The following FRMD8 variants were observed in gnomAD, a reference collection of about 807,000 sequenced individuals.
FRMD8 encodes FERM domain containing 8.
FRMD8 carries 37 observed loss-of-function variants against 54.2 expected under a neutral mutation model. That is an observed-to-expected ratio of 0.68 (90% CI 0.53 to 0.90). FRMD8 has a LOEUF of 0.90. Among genes scored for constraint, FRMD8 ranks in the 40% least tolerant of loss-of-function variants. The pLI is 0.00. For synonymous variants in FRMD8, 246 were observed against 286.9 expected (o/e 0.86, Z 1.44); for missense variants, 585 against 653.7 (o/e 0.89, Z 1.15).
the FRMD8 span, among the ~76,000 whole-genome samples, chr11:65,374,227 C>T: frequency 3.4e-4 from 48 of 142,968 alleles, no homozygotes; most frequent in Admixed American, 2.6e-3. Flanking sequence ...CTGATGAGCA[C>T]GTGACGTAGT....
At position 65,394,323 on chromosome 11, in the gene FRMD8, G is replaced by A. The variant is rs1384757947; in HGVS notation, c.479G>A (p.Arg160Gln). The change falls in exon 6 of 11, where the codon CGG becomes CAG. Residue 160 changes from arginine to glutamine, a missense_variant. Arg to Gln is a conservative substitution (Grantham distance 43). Coordinates refer to ENST00000317568, the MANE Select transcript of FRMD8 (RefSeq NM_031904.5). ...GCCAAGGGCAACGTGCTGGCTGCAC[G>A]GTACCCGTGCGACGTGGAGGACTGC... ...EEAKGNVLAARYPCDVEDCEA... is the reference protein window; with the variant it reads ...EEAKGNVLAAQYPCDVEDCEA... 2 of 1,587,158 alleles carry A rather than the reference G, an allele frequency of 1.3e-6. No individual in the cohort carries two copies. The highest frequency in any genetic ancestry group is 1.8e-5 in the Admixed American group (1 of 55,936).
chr11:65,396,239 C>G (rs943246159), intron 6 of FRMD8, among the ~76,000 whole-genome samples: 1 of 152,218 alleles, frequency 6.6e-6, no homozygotes, highest in Admixed American at 6.5e-5. Context: ...CATGGGGCTG[C>G]AGTGCAGAGG....
chr11:65,372,318 G>A, the FRMD8 span, among the ~76,000 whole-genome samples: 1 of 152,128 alleles, frequency 6.6e-6, no homozygotes, highest in Non-Finnish European at 1.5e-5. Context: ...GTGCAGGAGT[G>A]AGTTATTTGC....
chr11:65,385,986 C>T (rs1029766200), upstream of FRMD8, among the ~76,000 whole-genome samples: 2 of 151,716 alleles, frequency 1.3e-5, no homozygotes, highest in African/African-American at 4.8e-5. Flanking sequence ...TTAGTAGAGA[C>T]GGGGTTTCAT....
chr11:65,390,226 G>C (rs910146956), intron 3 of FRMD8, among the ~76,000 whole-genome samples: 3 of 152,108 alleles, frequency 2.0e-5, no homozygotes, highest in African/African-American at 7.2e-5. Flanking sequence ...GGACTTAAGG[G>C]CGGTGGCTCT....
chr11:65,374,209 G>C, the FRMD8 span, among the ~76,000 whole-genome samples: 1 of 146,186 alleles, frequency 6.8e-6, no homozygotes, highest in Non-Finnish European at 1.5e-5. Flanking sequence ...ATCTGGTGAA[G>C]GAGAGCTCTG....
At chr11:65,397,922 C>T (rs1466317049) in intron 7 of FRMD8, among the ~76,000 whole-genome samples, 1 of 144,246 alleles carries the variant, frequency 6.9e-6, no homozygotes, top group Non-Finnish European at 1.5e-5. Flanking sequence ...TGTTGCCAGG[C>T]TGGAGTGCAA....
At chr11:65,377,548 A>G in the FRMD8 span, 2 of 376,984 alleles carry the variant, frequency 5.3e-6, no homozygotes, top group Non-Finnish European at 7.3e-6. Flanking sequence ...CACCTCTCAG[A>G]GGCCCGGAGG....
chr11:65,408,442 T>C (rs1181105117), intron 10 of FRMD8, among the ~76,000 whole-genome samples: 2 of 151,770 alleles, frequency 1.3e-5, no homozygotes, highest in East Asian at 3.9e-4. Context: ...CTGTGTGGCA[T>C]TCCTTGGCAT....
chr11:65,387,551 C>T (rs1413239517), intron 2 of FRMD8, among the ~76,000 whole-genome samples: 2 of 151,968 alleles, frequency 1.3e-5, no homozygotes, highest in Non-Finnish European at 2.9e-5. Context: ...TCCTTTCTTT[C>T]TTTCTTTGAC....
chr11:65,376,360 C>T, the FRMD8 span: 2 of 1,596,460 alleles, frequency 1.3e-6, no homozygotes, highest in South Asian at 2.2e-5. Context: ...TCAAACTGGC[C>T]TCCAGGCCGT....
the FRMD8 span, among the ~76,000 whole-genome samples, chr11:65,372,635 G>A: frequency 6.6e-6 from 1 of 152,128 alleles, no homozygotes; most frequent in Non-Finnish European, 1.5e-5. Context: ...GAGTTTAGGA[G>A]CAGAGGTTTA....
At chr11:65,373,737 GC>G in the FRMD8 span, among the ~76,000 whole-genome samples, 1 of 152,032 alleles carries the variant, frequency 6.6e-6, no homozygotes, top group Non-Finnish European at 1.5e-5. Context: ...CAGGCACAGT[GC>G]CACCACACCT....
At chr11:65,376,261 G>A in the FRMD8 span, 1 of 1,033,172 alleles carries the variant, frequency 9.7e-7, no homozygotes, top group Admixed American at 2.3e-5. Flanking sequence ...TGTCTGCCCA[G>A]CCCAGATCTG....
At chr11:65,397,133 A>G (rs1855975778) in intron 7 of FRMD8, 113 bp downstream of exon 7, 10 of 587,920 alleles carry the variant, frequency 1.7e-5, no homozygotes, top group Non-Finnish European at 2.5e-5. Flanking sequence ...GTCCCCATGA[A>G]GTGGTGTCTT....
Position 65,411,523 on chromosome 11 carries a change from CA to C in FRMD8, c.*164del. 1 of 518,556 alleles carries C rather than the reference CA, an allele frequency of 1.9e-6. No homozygotes were observed. The highest frequency in any genetic ancestry group is 3.4e-6 in the Non-Finnish European group (1 of 292,652). 32.1% of individuals were successfully genotyped at this position (518,556 alleles called of 1,614,324 possible). A position where few individuals can be genotyped will look rare whatever the true frequency, so the allele number is the denominator to read the frequency against. ...GAGAAGTGACTTTTGGGCCCGGGGCCATGCCCGGGCTGTGCAAAGCTGGCCA... is the reference window on the plus strand; with the variant it reads ...GAGAAGTGACTTTTGGGCCCGGGGCCTGCCCGGGCTGTGCAAAGCTGGCCA... On this transcript the variant is annotated 3_prime_UTR_variant, in exon 11 of 11. Transcript: ENST00000317568.
chr11:65,374,457 A>G, the FRMD8 span, among the ~76,000 whole-genome samples: 3 of 152,176 alleles, frequency 2.0e-5, no homozygotes, highest in African/African-American at 7.2e-5. Context: ...AATGTCTCTG[A>G]GCCGAGGCTG....
the FRMD8 span, among the ~76,000 whole-genome samples, chr11:65,373,428 G>A: frequency 5.3e-5 from 8 of 152,150 alleles, no homozygotes; most frequent in Non-Finnish European, 7.4e-5. Flanking sequence ...ACATTCCCAC[G>A]ATCAGGAGCC....
At chr11:65,372,307 T>TGGAGGA in the FRMD8 span, among the ~76,000 whole-genome samples, 1 of 152,172 alleles carries the variant, frequency 6.6e-6, no homozygotes, top group East Asian at 1.9e-4. Context: ...CTGGGGCCAC[T>TGGAGGA]GTGCAGGAGT....
Sources: allele counts gnomAD v4.1 joint callset (sites outside exome capture counted in the v4.1 genomes callset), GRCh38; gene constraint gnomAD v4.1.1; transcripts MANE v1.5; gene names NCBI Gene and HGNC (gene_info 2026-07-23, HGNC 2026-07-21).